The following OARD1 variants were observed in gnomAD, a reference collection of about 807,000 sequenced individuals.
OARD1 encodes ADP-ribose glycohydrolase OARD1.
In OARD1, 19 loss-of-function variants were observed where a neutral mutation model predicts 19.7. That is an observed-to-expected ratio of 0.96 (90% CI 0.67 to 1.41). The LOEUF is 1.41. Ranked by LOEUF, OARD1 falls within the 40% of genes most tolerant of loss-of-function variation. The probability of loss-of-function intolerance (pLI) is 0.00; values close to 1 mark genes in which losing one functional copy is unlikely to be tolerated. For synonymous variants in OARD1, 70 were observed against 61.8 expected (o/e 1.13, Z -0.62); for missense variants, 190 against 183.8 (o/e 1.03, Z -0.20).
At chr6:41,091,287 G>C (rs547868101) in intron 1 of OARD1, among the ~76,000 whole-genome samples, 38 of 152,300 alleles carry the variant, frequency 2.5e-4, no homozygotes, top group African/African-American at 7.7e-4. Flanking sequence ...TTTGAAAACT[G>C]CTAAGGATAG....
chr6:41,071,481 C>A, intron 2 of OARD1, 115 bp downstream of exon 2: 1 of 1,096,516 alleles, frequency 9.1e-7, no homozygotes, highest in South Asian at 1.3e-5. Context: ...TAAAGTAAAT[C>A]AGCTAGAGAG....
At chr6:41,084,962 A>G (rs1157077938) in intron 1 of OARD1, among the ~76,000 whole-genome samples, 6 of 152,108 alleles carry the variant, frequency 3.9e-5, no homozygotes, top group Non-Finnish European at 8.8e-5. Context: ...TTCTGTCTCA[A>G]AAAAAAAGAA....
upstream of OARD1, among the ~76,000 whole-genome samples, chr6:41,073,383 G>T (rs1382076671): frequency 6.6e-6 from 1 of 151,846 alleles, no homozygotes; most frequent in Non-Finnish European, 1.5e-5. Context: ...CCTGTTCCCC[G>T]ACTCAGGCCC....
exon 1 of OARD1, chr6:41,097,726 G>C: frequency 4.1e-6 from 1 of 245,620 alleles, no homozygotes; most frequent in Non-Finnish European, 8.0e-6. Flanking sequence ...GACTGGTGAA[G>C]TCAGCCAGCC....
intron 1 of OARD1, among the ~76,000 whole-genome samples, chr6:41,078,246 C>A (rs947382597): frequency 6.6e-6 from 1 of 152,218 alleles, no homozygotes; most frequent in African/African-American, 2.4e-5. Context: ...TTCTTTCACA[C>A]TGTATTGAGA....
chr6:41,087,213 T>G (rs1420359400), intron 1 of OARD1, among the ~76,000 whole-genome samples: 1 of 152,248 alleles, frequency 6.6e-6, no homozygotes, highest in Non-Finnish European at 1.5e-5. Context: ...GTTTACTTAT[T>G]TATTTGCCAA....
At chr6:41,077,531 T>C (rs717883), upstream of OARD1, among the ~76,000 whole-genome samples, 59,157 of 151,954 alleles carry the variant, frequency 0.39, 12,163 homozygotes, top group African/African-American at 0.52. Flanking sequence ...TATTAGTTTA[T>C]AGCCATAAAT....
chr6:41,081,050 G>C (rs1763891409), intron 1 of OARD1, among the ~76,000 whole-genome samples: 1 of 152,216 alleles, frequency 6.6e-6, no homozygotes, highest in Non-Finnish European at 1.5e-5. Flanking sequence ...TAAGATGCCA[G>C]TTTCCTAATA....
intron 1 of OARD1, among the ~76,000 whole-genome samples, chr6:41,085,832 T>A (rs1764030434): frequency 6.6e-6 from 1 of 152,084 alleles, no homozygotes; most frequent in Non-Finnish European, 1.5e-5. Context: ...TAGTTAAGGA[T>A]TTTGGTTTTC....
At chr6:41,083,189 A>G (rs1280417949) in intron 1 of OARD1, among the ~76,000 whole-genome samples, 1 of 152,188 alleles carries the variant, frequency 6.6e-6, no homozygotes, top group Admixed American at 6.5e-5. Context: ...TCTATTAGGT[A>G]TTTTTGTATT....
rs528520688 is a variant in OARD1 at position 41,093,448 on chromosome 6, A to G, written c.-42+4265T>C. Among the ~76,000 whole-genome samples, 20 of 152,150 alleles carry G rather than the reference A, an allele frequency of 1.3e-4. No homozygotes were observed. In the South Asian group the frequency reaches 4.0e-3, roughly 30 times the overall value. On this transcript the variant is annotated intron_variant, in intron 1 of 4. Coordinates refer to the OARD1 transcript ENST00000480585. ...TGCTTAGGCTCCAGCCTAGGAAGAA[A>G]GGGAACAAGAAAGGTACCCTTTCTT... is the stretch of plus-strand genomic sequence containing the variant.
Position 41,066,605 on chromosome 6 carries a change from A to T in OARD1, c.*730T>A, listed in dbSNP as rs1413566252. On this transcript the variant is annotated 3_prime_UTR_variant, in exon 6 of 6. Coordinates refer to ENST00000424266, the MANE Select transcript of OARD1 (RefSeq NM_001329686.2). ...TCACAGAAACCATGCAGTGGACAAA[A>T]GAGAGAAAAAGTTCACCATGAGGAG... 6.6e-6 allele frequency: 1 copy of T among 152,214 alleles called. No individual in the cohort carries two copies. The highest frequency in any genetic ancestry group is 1.5e-5 in the Non-Finnish European group (1 of 68,038). 9.4% of individuals were successfully genotyped at this position (152,214 alleles called of 1,614,324 possible).
In OARD1 at chr6:41,070,111, C is replaced by T. The variant is rs372496114; in HGVS notation, c.208G>A (p.Val70Ile). Reference protein sequence around the residue: ...NQQKKSGEVAVLKRDGRYIYY... With the variant: ...NQQKKSGEVAILKRDGRYIYY... ...ATATATCGCCCATCTCTCTTCAGAA[C>T]AGCCACTTCTCCAGATTTCTTTTCT... Residue 70 changes from valine (V) to isoleucine (I), a missense_variant, in exon 4 of 6, where the codon GTT becomes ATT. Transcript: ENST00000424266. 124 of 1,588,328 alleles carry T rather than the reference C, an allele frequency of 7.8e-5. No individual in the cohort carries two copies. The highest frequency in any genetic ancestry group is 1.0e-4 in the Non-Finnish European group (118 of 1,159,550).
intron 1 of OARD1, chr6:41,080,685 G>C: frequency 1.4e-6 from 1 of 693,588 alleles, no homozygotes; most frequent in East Asian, 2.6e-5. Context: ...TCAATATAGG[G>C]AGTCTGTACA....
intron 1 of OARD1, chr6:41,090,314 G>A (rs1178100225): frequency 6.2e-7 from 1 of 1,607,554 alleles, no homozygotes; most frequent in South Asian, 1.1e-5. Flanking sequence ...AGCAAGGTAA[G>A]TGTACCCATA....
intron 5 of OARD1, 75 bp downstream of exon 5, chr6:41,068,766 G>A: frequency 1.2e-6 from 1 of 865,744 alleles, no homozygotes; most frequent in Middle Eastern, 2.3e-4. Context: ...AAGCTTTTAA[G>A]TTGTTTGTCT....
intron 2 of OARD1, 106 bp downstream of exon 2, chr6:41,071,490 A>C: frequency 8.8e-7 from 1 of 1,131,490 alleles, no homozygotes; most frequent in African/African-American, 1.5e-5. Context: ...TCAGCTAGAG[A>C]GAAAAAAAGA....
chr6:41,069,506 C>A (rs549220217), intron 4 of OARD1: 146 of 163,736 alleles, frequency 8.9e-4, no homozygotes, highest in African/African-American at 3.3e-3. Flanking sequence ...CCAGATCAGG[C>A]TTGTAGTGGG....
rs2114041388 is a variant in OARD1 at position 41,067,222 on chromosome 6, A to G, written c.*113T>C. On this transcript the variant is annotated 3_prime_UTR_variant, in exon 6 of 6. Coordinates refer to ENST00000424266, the MANE Select transcript of OARD1 (RefSeq NM_001329686.2). ...GCAACCAAAGTCTGTCTTGTTAAAC[A>G]CACTACTTCTCATGAAACTTTCCTC... is the stretch of plus-strand genomic sequence containing the variant. 2 of 581,314 alleles carry G rather than the reference A, an allele frequency of 3.4e-6. No individual in the cohort carries two copies. Among genetic ancestry groups the G allele is most frequent in the South Asian group, 4.7e-5 (2 of 42,544 alleles). The allele number at this position is 581,314 out of a possible 1,614,324, so 36.0% of individuals were successfully genotyped here.
Sources: gnomAD v4.1 joint callset for allele counts (sites outside exome capture counted in the v4.1 genomes callset) on GRCh38, gnomAD v4.1.1 for gene constraint, MANE v1.5 for transcripts, NCBI Gene and HGNC (gene_info 2026-07-23, HGNC 2026-07-21) for gene names.